The following RINT1 variants were observed in gnomAD, a reference collection of about 807,000 sequenced individuals.
RINT1 encodes the protein RAD50-interacting protein 1.
A neutral mutation model predicts 97.7 loss-of-function variants in RINT1; 75 were observed. That is an observed-to-expected ratio of 0.77 (90% CI 0.64 to 0.93). The LOEUF is 0.93. Among genes scored for constraint, RINT1 ranks in the 40% least tolerant of loss-of-function variants. The probability of loss-of-function intolerance (pLI) is 0.00; values close to 1 mark genes in which losing one functional copy is unlikely to be tolerated. For missense variants in RINT1, 892 were observed against 925.2 expected (o/e 0.96, Z 0.47); for synonymous variants, 303 against 326.3 (o/e 0.93, Z 0.77).
intron 1 of RINT1, 86 bp from the exon 2 acceptor site, chr7:105,532,738 T>TC: frequency 7.1e-7 from 1 of 1,409,788 alleles, no homozygotes; most frequent in Non-Finnish European, 1.0e-6. Context: ...CTCTCTTGCC[T>TC]CCAGTGGGTG....
At position 105,536,641 on chromosome 7, in the gene RINT1, T is replaced by C; in HGVS notation, c.165T>C (p.Tyr55=). 6.2e-7 allele frequency: 1 copy of C among 1,612,694 alleles called. No homozygotes were observed. Among genetic ancestry groups the C allele is most frequent in the Non-Finnish European group, 8.5e-7 (1 of 1,179,018 alleles). The change falls in exon 3 of 15, where the codon TAT becomes TAC. Residue 55 remains tyrosine (Y), a synonymous_variant. Coordinates refer to ENST00000257700, the MANE Select transcript of RINT1 (RefSeq NM_021930.6). ...CAGATAATGGTGATCTCCCTTCTTATGTGTCTGCATTCATAGAAAAGGAAG... is the reference window on the plus strand; with the variant it reads ...CAGATAATGGTGATCTCCCTTCTTACGTGTCTGCATTCATAGAAAAGGAAG... ...EGTDNGDLPS[Y]VSAFIEKEVG...
At chr7:105,553,887 ATTTTTTTTTT>A (rs776924728) in intron 10 of RINT1, among the ~76,000 whole-genome samples, 5 of 71,152 alleles carry the variant, frequency 7.0e-5, no homozygotes, top group Admixed American at 1.7e-4. Flanking sequence ...TACCCAGCTA[ATTTTTTTTTT>A]TTTTTTTTTT....
Position 105,565,731 on chromosome 7 carries a change from A to G in RINT1, c.2186+83A>G, listed in dbSNP as rs937791203. 118 of 896,880 alleles carry G rather than the reference A, an allele frequency of 1.3e-4. 1 individual carries two copies. The Middle Eastern group carries it at 1.4e-3, about 10-fold the overall frequency. 55.6% of individuals were successfully genotyped at this position (896,880 alleles called of 1,614,324 possible). ...TCCTTTTAACTTTAGGGTTCTGGAGATGTTTGGGTGGGATAAGATCAGTTG... is the reference window on the plus strand; with the variant it reads ...TCCTTTTAACTTTAGGGTTCTGGAGGTGTTTGGGTGGGATAAGATCAGTTG... On this transcript the variant is annotated intron_variant, in intron 14 of 14. Transcript: ENST00000257700.
chr7:105,543,473 C>G (rs1335101788), intron 4 of RINT1, among the ~76,000 whole-genome samples: 1 of 152,086 alleles, frequency 6.6e-6, no homozygotes, highest in Non-Finnish European at 1.5e-5. Flanking sequence ...AGTTGAATAC[C>G]TATCACTGGT....
At chr7:105,556,609 C>A (rs537423136) in intron 11 of RINT1, among the ~76,000 whole-genome samples, 4 of 151,786 alleles carry the variant, frequency 2.6e-5, no homozygotes, top group Non-Finnish European at 5.9e-5. Flanking sequence ...TAAATAAAAA[C>A]CTTGGGTCCA....
chr7:105,538,001 C>CT (rs1007376563), intron 3 of RINT1, among the ~76,000 whole-genome samples: 4 of 150,264 alleles, frequency 2.7e-5, no homozygotes, highest in Non-Finnish European at 4.4e-5. Context: ...ACATTTTTTT[C>CT]TTTTTTTTTG....
chr7:105,534,139 C>T (rs531204525), intron 2 of RINT1, among the ~76,000 whole-genome samples: 32 of 151,970 alleles, frequency 2.1e-4, no homozygotes, highest in African/African-American at 7.2e-4. Context: ...GGCGCGATCT[C>T]GCCTTACTGC....
At chr7:105,542,334 C>CA (rs979447833) in intron 3 of RINT1, 74 bp from the exon 4 acceptor site, 3,864 of 1,131,044 alleles carry the variant, frequency 3.4e-3, no homozygotes, top group Non-Finnish European at 4.0e-3. Flanking sequence ...GATCCCCTCT[C>CA]AAAAAAAAAA....
chr7:105,565,472 A>C lies in RINT1; in HGVS notation c.2067+15A>C, dbSNP rs1342157626. 2 of 1,612,190 alleles carry C rather than the reference A, an allele frequency of 1.2e-6. No homozygotes were observed. Among genetic ancestry groups the C allele is most frequent in the Non-Finnish European group, 1.7e-6 (2 of 1,178,434 alleles). ...TCTACCAAGAAGTAAGTAAGAATAG[A>C]CTGTTTTTGGGCTGTGATAATAAAG... On this transcript the variant is annotated intron_variant, in intron 13 of 14. Transcript: ENST00000257700.
Position 105,547,169 on chromosome 7 carries a change from A to G in RINT1, c.690-15A>G, listed in dbSNP as rs372939442. On this transcript the variant is annotated splice_polypyrimidine_tract_variant and intron_variant, in intron 5 of 14. Coordinates refer to ENST00000257700, the MANE Select transcript of RINT1 (RefSeq NM_021930.6). ...GGTGATGTACTGAAATGTATGTGTT[A>G]CTTTTCCATTGCAGTGATTTTGAGG... 6.2e-6 allele frequency: 10 copies of G among 1,613,978 alleles called. No homozygotes were observed. The African/African-American group carries it at 1.1e-4, about 17-fold the overall frequency.
At chr7:105,540,903 T>C (rs1226024341) in intron 3 of RINT1, among the ~76,000 whole-genome samples, 1 of 148,982 alleles carries the variant, frequency 6.7e-6, no homozygotes, top group Non-Finnish European at 1.5e-5. Flanking sequence ...AGTGGCGCAG[T>C]CTCGGCCCAC....
At chr7:105,560,441 C>T (rs1041614822) in intron 11 of RINT1, among the ~76,000 whole-genome samples, 3 of 151,892 alleles carry the variant, frequency 2.0e-5, no homozygotes, top group African/African-American at 7.3e-5. Flanking sequence ...CATTGCCATG[C>T]AAAAAGATAT....
intron 11 of RINT1, among the ~76,000 whole-genome samples, chr7:105,561,473 G>A (rs1209969970): frequency 6.6e-6 from 1 of 152,112 alleles, no homozygotes; most frequent in Non-Finnish European, 1.5e-5. Flanking sequence ...ATTGCAGTAA[G>A]CCGAGATTGC....
chr7:105,566,271 C>T (rs2133487057), intron 14 of RINT1: 1 of 151,932 alleles, frequency 6.6e-6, no homozygotes, highest in African/African-American at 2.4e-5. Flanking sequence ...ATGTTTAATA[C>T]CTAATAGGCC....
intron 3 of RINT1, among the ~76,000 whole-genome samples, chr7:105,540,959 C>T (rs1475334842): frequency 6.6e-6 from 1 of 151,460 alleles, no homozygotes; most frequent in Non-Finnish European, 1.5e-5. Context: ...GCCTCAGCCT[C>T]CCAAAGTGCT....
chr7:105,533,816 C>A (rs945711792), intron 2 of RINT1, among the ~76,000 whole-genome samples: 1 of 152,226 alleles, frequency 6.6e-6, no homozygotes, highest in East Asian at 1.9e-4. Context: ...TTGCCTCATT[C>A]AGATGCCTGG....
At position 105,555,135 on chromosome 7, in the gene RINT1, G is replaced by A; in HGVS notation, c.1579G>A (p.Glu527Lys). The A allele has an allele frequency of 6.2e-7, 1 of 1,614,068 alleles. No homozygotes were observed. Among genetic ancestry groups the A allele is most frequent in the Non-Finnish European group, 8.5e-7 (1 of 1,179,974 alleles). Reference sequence around the variant, plus strand: ...ACGATTAACACAAGTGATGAAAGAAGAGACTAGAGCTTCCCTTGGCTTTCG... The same window carrying A: ...ACGATTAACACAAGTGATGAAAGAAAAGACTAGAGCTTCCCTTGGCTTTCG... Reference protein sequence around the residue: ...RIRLTQVMKEETRASLGFRYC... With the variant: ...RIRLTQVMKEKTRASLGFRYC... The change falls in exon 11 of 15, where the codon GAG becomes AAG. Residue 527 changes from glutamate (E) to lysine (K), a missense_variant. Coordinates refer to ENST00000257700, the MANE Select transcript of RINT1 (RefSeq NM_021930.6).
chr7:105,547,067 A>G lies in RINT1; in HGVS notation c.673A>G (p.Lys225Glu), dbSNP rs775238670. The G allele has an allele frequency of 6.8e-6, 11 of 1,613,766 alleles. No homozygotes were observed. The South Asian group carries it at 1.2e-4, about 18-fold the overall frequency. Residue 225 changes from lysine to glutamate, a missense_variant, in exon 5 of 15, where the codon AAG (lysine) becomes GAG (glutamate). Coordinates refer to ENST00000257700, the MANE Select transcript of RINT1 (RefSeq NM_021930.6). Reference sequence around the variant, plus strand: ...AGTTAAATTCTGGCATAAAATTCTCAAGGACAAGCTTACAAGGTAGGGAAT... The same window carrying G: ...AGTTAAATTCTGGCATAAAATTCTCGAGGACAAGCTTACAAGGTAGGGAAT... The part of the protein sequence containing the change: ...ATVKFWHKIL[K>E]DKLTSDFEEI...
intron 3 of RINT1, among the ~76,000 whole-genome samples, chr7:105,540,813 C>T (rs1310231701): frequency 2.6e-5 from 4 of 151,394 alleles, no homozygotes; most frequent in Admixed American, 2.6e-4. Context: ...AGATGCTCAG[C>T]CTGTTAGAAT....
Sources: gnomAD v4.1 joint callset for allele counts (sites outside exome capture counted in the v4.1 genomes callset) on GRCh38, gnomAD v4.1.1 for gene constraint, MANE v1.5 for transcripts, NCBI Gene and HGNC (gene_info 2026-07-23, HGNC 2026-07-21) for gene names.